Variants in ITSN2 observed in about 807,000 individuals in gnomAD.
ITSN2 encodes the protein intersectin 2.
Under a neutral mutation model 243.7 loss-of-function variants are expected in ITSN2, and 156 were observed. The observed-to-expected ratio is 0.64, with a 90% CI of 0.56 to 0.73. The LOEUF is 0.73. Among genes scored for constraint, ITSN2 ranks in the 30% least tolerant of loss-of-function variants. The pLI, the probability that ITSN2 is intolerant of heterozygous loss-of-function variation, is 0.00. For missense variants in ITSN2, 1,801 were observed against 1,996.1 expected, an observed-to-expected ratio of 0.90 and a Z score of 1.86; for synonymous variants, 703 against 699.9, an observed-to-expected ratio of 1.00 and a Z score of -0.07.
chr2:24,314,088 T>C (rs1668021405), intron 3 of ITSN2, among the ~76,000 whole-genome samples: 1 of 152,110 alleles, frequency 6.6e-6, no homozygotes, highest in African/African-American at 2.4e-5. Context: ...CCAAATTCAG[T>C]GTTCCTCTCC....
chr2:24,210,630 A>G lies in ITSN2; in HGVS notation c.4257+150T>C, dbSNP rs796222274. ...ACTCCGTCTCAAAAAAAAAAAAAAA[A>G]AAAAGAAAAAAAAATGCCTTTGCAG... On this transcript the variant is annotated intron_variant, in intron 34 of 39. Coordinates refer to ENST00000355123, the MANE Select transcript of ITSN2 (RefSeq NM_006277.3). 1.3e-3 allele frequency: 816 copies of G among 628,806 alleles called. 1 individual carries two copies. Among genetic ancestry groups the G allele is most frequent in the South Asian group, 3.8e-3 (147 of 38,410 alleles). 39.0% of individuals were successfully genotyped at this position (628,806 alleles called of 1,614,324 possible). A position where few individuals can be genotyped will look rare whatever the true frequency, so the allele number is the denominator to read the frequency against.
At chr2:24,246,011 C>G (rs929290746) in intron 29 of ITSN2, 118 bp downstream of exon 29, 3 of 617,472 alleles carry the variant, frequency 4.9e-6, no homozygotes, top group Non-Finnish European at 8.0e-6. Flanking sequence ...ACTTTAAACA[C>G]TAATCTACAT....
intron 1 of ITSN2, among the ~76,000 whole-genome samples, chr2:24,333,895 T>C (rs148030416): frequency 6.6e-6 from 1 of 152,272 alleles, no homozygotes; most frequent in East Asian, 1.9e-4. Flanking sequence ...GGGGTTTTTT[T>C]GTTTTGTTTT....
chr2:24,360,970 C>A (rs777969063), upstream of ITSN2, among the ~76,000 whole-genome samples: 1 of 152,240 alleles, frequency 6.6e-6, no homozygotes, highest in African/African-American at 2.4e-5. Context: ...GGAACGAATT[C>A]TCTGGGAATT....
chr2:24,236,866 TTA>T lies in ITSN2; in HGVS notation c.3577+9261_3577+9262del, dbSNP rs1558463732. On this transcript the variant is annotated intron_variant, in intron 29 of 39. Transcript: ENST00000355123. ...TATCTATCTATCTATCTTTTATTTT[TTA>T]TTTTTTTTTGTAGAGACAGGTTTCA... Among the ~76,000 whole-genome samples, 10 of 150,620 alleles carry T rather than the reference TTA, an allele frequency of 6.6e-5. 1 individual carries two copies. The highest frequency in any genetic ancestry group is 3.9e-4 in the East Asian group (2 of 5,182).
chr2:24,360,771 A>C (rs1418845639), upstream of ITSN2: 1 of 152,728 alleles, frequency 6.5e-6, no homozygotes, highest in Non-Finnish European at 1.5e-5. Context: ...CCCTTCCTGG[A>C]GTTGCACAGA....
Position 24,210,853 on chromosome 2 carries a change from C to A in ITSN2, c.4184G>T (p.Gly1395Val). Residue 1395 changes from glycine to valine, a missense_variant, in exon 34 of 40, where the codon GGA becomes GTA. Physicochemically the swap from Gly to Val is moderately radical, Grantham distance 109 (BLOSUM62 -3). Coordinates refer to ENST00000355123, the MANE Select transcript of ITSN2 (RefSeq NM_006277.3). ...GTCCGAGTTTTCCTTCTCCCGAACT[C>A]CCTCATTCACTTGAGAGCACAGCTC... is the stretch of plus-strand genomic sequence containing the variant. Reference protein sequence around the residue: ...AEELCSQVNEGVREKENSDRL... With the variant: ...AEELCSQVNEVVREKENSDRL... 6.2e-7 allele frequency: 1 copy of A among 1,614,136 alleles called. No individual in the cohort carries two copies. The highest frequency in any genetic ancestry group is 1.1e-5 in the South Asian group (1 of 91,084).
Position 24,284,786 on chromosome 2 carries a change from T to C in ITSN2, c.1921A>G (p.Asn641Asp). ...ACCTTAAGTAAGAGGAAGAGGTTGT[T>C]GAGACAGCTTAGCAGAGACAAAAGG... The part of the protein sequence containing the change: ...QCLLSLLSCL[N>D]NLFLLLKELR... Residue 641 changes from asparagine (N) to aspartate (D), a missense_variant, in exon 17 of 40, where the codon AAC (asparagine) becomes GAC (aspartate). Asn to Asp is a conservative substitution (Grantham distance 23). Transcript: ENST00000355123. The C allele has an allele frequency of 6.2e-7, 1 of 1,603,058 alleles. No individual in the cohort carries two copies. The highest frequency in any genetic ancestry group is 2.2e-5 in the East Asian group (1 of 44,798).
chr2:24,270,481 T>C (rs1232323649), intron 20 of ITSN2, among the ~76,000 whole-genome samples, 190 bp downstream of exon 20: 2 of 152,240 alleles, frequency 1.3e-5, no homozygotes, highest in African/African-American at 4.8e-5. Context: ...CTTCCTTGGC[T>C]AGAACTTAGT....
At chr2:24,353,238 ATAATC>A (rs1688175783) in intron 1 of ITSN2, among the ~76,000 whole-genome samples, 1 of 152,216 alleles carries the variant, frequency 6.6e-6, no homozygotes, top group South Asian at 2.1e-4. Context: ...CCTCAAATAA[ATAATC>A]TACGAAAGAA....
intron 23 of ITSN2, among the ~76,000 whole-genome samples, chr2:24,257,567 C>T (rs946936858): frequency 1.3e-5 from 2 of 151,714 alleles, no homozygotes; most frequent in African/African-American, 4.9e-5. Context: ...AGAGATTCTC[C>T]TGCCTTAGCC....
chr2:24,222,200 C>T (rs1438953308), intron 29 of ITSN2, among the ~76,000 whole-genome samples: 1 of 147,452 alleles, frequency 6.8e-6, no homozygotes, highest in Non-Finnish European at 1.5e-5. Flanking sequence ...TGCAGTGAGC[C>T]GAGATCGCAC....
At chr2:24,263,938 T>C (rs1162111596) in intron 20 of ITSN2, among the ~76,000 whole-genome samples, 2 of 152,220 alleles carry the variant, frequency 1.3e-5, no homozygotes, top group Non-Finnish European at 2.9e-5. Context: ...CTGAGTCACA[T>C]GGTAGGTACA....
At chr2:24,260,903 CAAAA>C (rs34385491) in intron 22 of ITSN2, among the ~76,000 whole-genome samples, 199 bp downstream of exon 22, 1 of 117,782 alleles carries the variant, frequency 8.5e-6, no homozygotes, top group African/African-American at 3.2e-5. Flanking sequence ...GGCTCCGTCT[CAAAA>C]AAAAAAAAAA....
chr2:24,242,863 T>TAAACTAAAA (rs1672895379), intron 29 of ITSN2, among the ~76,000 whole-genome samples: 1 of 152,118 alleles, frequency 6.6e-6, no homozygotes, highest in Non-Finnish European at 1.5e-5. Flanking sequence ...TAGATCTGAT[T>TAAACTAAAA]AAACTAAAAA....
intron 1 of ITSN2, among the ~76,000 whole-genome samples, chr2:24,356,501 ACC>A (rs397812033): frequency 2.7e-5 from 4 of 150,300 alleles, no homozygotes; most frequent in Non-Finnish European, 5.9e-5. Context: ...GAAAAAAAAA[ACC>A]CCACCAAAAA....
intron 20 of ITSN2, among the ~76,000 whole-genome samples, chr2:24,263,349 C>T (rs935522975): frequency 1.3e-5 from 2 of 152,152 alleles, no homozygotes; most frequent in Admixed American, 6.5e-5. Context: ...TTCTAAAACA[C>T]AGACTTGACA....
chr2:24,257,923 G>C lies in ITSN2; in HGVS notation c.2853C>G (p.Val951=). 6.2e-7 allele frequency: 1 copy of C among 1,613,922 alleles called. No individual in the cohort carries two copies. Among genetic ancestry groups the C allele is most frequent in the Non-Finnish European group, 8.5e-7 (1 of 1,179,924 alleles). Residue 951 remains valine (V), a synonymous_variant, in exon 23 of 40, where the codon GTC becomes GTG. Coordinates refer to ENST00000355123, the MANE Select transcript of ITSN2 (RefSeq NM_006277.3). ...GGRGWFPKSY[V]KIIPGSEVKR... ...TTACTTCACTCCCAGGAATGATCTT[G>C]ACATAAGATTTGGGAAACCATCCTC... is the stretch of plus-strand genomic sequence containing the variant.
At chr2:24,273,251 A>G (rs1452928701) in intron 18 of ITSN2, among the ~76,000 whole-genome samples, 1 of 152,100 alleles carries the variant, frequency 6.6e-6, no homozygotes, top group African/African-American at 2.4e-5. Context: ...CCTTCCAACA[A>G]TTTCCAAACC....
Sources: allele counts gnomAD v4.1 joint callset (sites outside exome capture counted in the v4.1 genomes callset), GRCh38; gene constraint gnomAD v4.1.1; transcripts MANE v1.5; gene names NCBI Gene and HGNC (gene_info 2026-07-23, HGNC 2026-07-21).